EPHB4: variants seen among roughly 807,000 people sequenced by gnomAD.
The protein encoded by EPHB4 is ephrin type-B receptor 4.
A neutral mutation model predicts 110.6 loss-of-function variants in EPHB4; 50 were observed. The ratio of observed to expected loss-of-function variants is 0.45; its 90% CI spans 0.36 to 0.57. The LOEUF is 0.57. EPHB4 is among the 20% of genes least tolerant of loss of function. The pLI is 0.00. For missense variants in EPHB4, 1,128 were observed against 1,382.1 expected (o/e 0.82, Z 2.91); for synonymous variants, 592 against 578.4 (o/e 1.02, Z -0.34).
chr7:100,820,378 C>T, intron 4 of EPHB4, 82 bp from the exon 5 acceptor site: 1 of 1,492,346 alleles, frequency 6.7e-7, no homozygotes, highest in South Asian at 1.4e-5. Context: ...TGCCTCGAAT[C>T]CCAGCACTTT....
Position 100,813,644 on chromosome 7 carries a change from C to A in EPHB4, c.1756+8G>T. ...AGCCCCTATTCCCATCAAATTAGGG[C>A]AACCCACCATGTCCGATGAGATACT... On this transcript the variant is annotated splice_region_variant and intron_variant, in intron 10 of 16. Coordinates refer to ENST00000358173, the MANE Select transcript of EPHB4 (RefSeq NM_004444.5). The A allele has an allele frequency of 6.2e-7, 1 of 1,613,876 alleles. No individual in the cohort carries two copies. Among genetic ancestry groups the A allele is most frequent in the South Asian group, 1.1e-5 (1 of 91,070 alleles).
rs543151286 is a variant in EPHB4 at position 100,804,875 on chromosome 7, T to C, written c.2834+291A>G. 2.0e-5 allele frequency among the ~76,000 whole-genome samples: 3 copies of C among 152,308 alleles called. No individual in the cohort carries two copies. In the East Asian group the frequency reaches 5.8e-4, roughly 29 times the overall value. On this transcript the variant is annotated intron_variant, in intron 16 of 16. Transcript: ENST00000358173. The stretch of plus-strand genomic sequence containing the variant: ...GTTACCGTGAGAGCCGGGCCTGGAA[T>C]GCAGATAGATGCACAAAGATAGCTA...
chr7:100,810,268 C>CA (rs1406016711), intron 12 of EPHB4, among the ~76,000 whole-genome samples: 2 of 151,418 alleles, frequency 1.3e-5, no homozygotes, highest in Non-Finnish European at 2.9e-5. Context: ...CAAACAAAAC[C>CA]AAAAAAACCC....
At chr7:100,820,647 A>G (rs1813201811) in intron 4 of EPHB4, among the ~76,000 whole-genome samples, 2 of 152,006 alleles carry the variant, frequency 1.3e-5, no homozygotes, top group African/African-American at 4.8e-5. Context: ...AAAGACCTCT[A>G]CTCCAACTTA....
chr7:100,823,455 A>G (rs1262187033), intron 3 of EPHB4, among the ~76,000 whole-genome samples, 189 bp downstream of exon 3: 1 of 152,106 alleles, frequency 6.6e-6, no homozygotes, highest in African/African-American at 2.4e-5. Flanking sequence ...CGGGCCAGGC[A>G]GCCCCCGTAT....
chr7:100,816,704 A>G (rs1281954002), intron 8 of EPHB4, among the ~76,000 whole-genome samples: 1 of 152,078 alleles, frequency 6.6e-6, no homozygotes, highest in Non-Finnish European at 1.5e-5. Flanking sequence ...AGACTTCACA[A>G]AACTCAGCTG....
Position 100,822,436 on chromosome 7 carries a change from G to C in EPHB4, c.643C>G (p.Leu215Val). The C allele has an allele frequency of 6.2e-7, 1 of 1,602,030 alleles. No individual in the cohort carries two copies. Among genetic ancestry groups the C allele is most frequent in the East Asian group, 2.2e-5 (1 of 44,572 alleles). Reference protein sequence around the residue: ...TRFPETVPRELVVPVAGSCVV... With the variant: ...TRFPETVPREVVVPVAGSCVV... ...CAGCTACCGGCCACGGGCACAACCA[G>C]CTCCCGAGGCACAGTCTCCGGGAAT... The change falls in exon 4 of 17, where the codon CTG becomes GTG. Residue 215 changes from leucine to valine, a missense_variant. Coordinates refer to ENST00000358173, the MANE Select transcript of EPHB4 (RefSeq NM_004444.5). The surrounding 1 kb of genome is among the most constrained non-coding windows in gnomAD (Gnocchi z 4.7).
At chr7:100,824,372 C>T in intron 1 of EPHB4, 99 bp from the exon 2 acceptor site, 1 of 1,311,782 alleles carries the variant, frequency 7.6e-7, no homozygotes, top group Non-Finnish European at 1.1e-6. Flanking sequence ...CCTCTTAGCT[C>T]TGAGCTAGAG....
In EPHB4 at chr7:100,819,583, G is replaced by A; in HGVS notation, c.1271C>T (p.Pro424Leu). 6.3e-7 allele frequency: 1 copy of A among 1,575,968 alleles called. No homozygotes were observed. The highest frequency in any genetic ancestry group is 8.7e-7 in the Non-Finnish European group (1 of 1,154,722). The change falls in exon 6 of 17, where the codon CCT (proline) becomes CTT (leucine). Residue 424 changes from proline (P) to leucine (L), a missense_variant. Pro to Leu is a moderately conservative substitution (Grantham distance 98). Coordinates refer to ENST00000358173, the MANE Select transcript of EPHB4 (RefSeq NM_004444.5). ...CTCTCGGTCAGTGGTGACATTGACA[G>A]GCTCAAATGGGACGGGCCCCGTGGC... is the stretch of plus-strand genomic sequence containing the variant. ...SLATGPVPFE[P>L]VNVTTDREVP...
intron 8 of EPHB4, among the ~76,000 whole-genome samples, chr7:100,814,532 T>C (rs1584659397): frequency 6.6e-6 from 1 of 152,246 alleles, no homozygotes; most frequent in East Asian, 1.9e-4. Flanking sequence ...GCCAGAGTGG[T>C]TTTGATTTGG....
chr7:100,805,746 T>G (rs1403386513), intron 14 of EPHB4, 52 bp from the exon 15 acceptor site: 3 of 1,386,478 alleles, frequency 2.2e-6, no homozygotes, highest in African/African-American at 1.5e-5. Context: ...AAAGCAAAGA[T>G]GCTAACAGGC....
chr7:100,810,080 TCTCTA>T (rs1215180164), intron 12 of EPHB4, among the ~76,000 whole-genome samples: 1 of 152,070 alleles, frequency 6.6e-6, no homozygotes, highest in Non-Finnish European at 1.5e-5. Flanking sequence ...TGAAACCCTG[TCTCTA>T]CTAAAAATAC....
intron 13 of EPHB4, among the ~76,000 whole-genome samples, chr7:100,807,099 A>T (rs1251114325): frequency 2.6e-5 from 4 of 152,144 alleles, no homozygotes; most frequent in African/African-American, 9.7e-5. Context: ...AGTAGCTGGG[A>T]CTACAGGTGC....
chr7:100,811,493 A>G (rs1159933099), intron 12 of EPHB4, among the ~76,000 whole-genome samples: 1 of 152,068 alleles, frequency 6.6e-6, no homozygotes, highest in East Asian at 1.9e-4. Flanking sequence ...GGAGAAATCC[A>G]GTTTGCCGTG....
chr7:100,813,196 T>C lies in EPHB4; in HGVS notation c.1769A>G (p.Tyr590Cys). The change falls in exon 11 of 17, where the codon TAC becomes TGC. Residue 590 changes from tyrosine (Y) to cysteine (C), a missense_variant. Around this residue, in one of 3 missense-constraint regions of EPHB4, gnomAD observed 191 missense variants for 313.0 expected, o/e 0.61. Coordinates refer to ENST00000358173, the MANE Select transcript of EPHB4 (RefSeq NM_004444.5). The stretch of plus-strand genomic sequence containing the variant: ...GTCTTCATAAGTGAAGGGGTCGATG[T>C]AGACCTTAGTACCTGAGAAATCAGG... ...QYLIGHGTKV[Y>C]IDPFTYEDPN... The C allele has an allele frequency of 6.2e-7, 1 of 1,602,894 alleles. No individual in the cohort carries two copies. Among genetic ancestry groups the C allele is most frequent in the Non-Finnish European group, 8.5e-7 (1 of 1,179,940 alleles).
rs146460992 is a variant in EPHB4 at position 100,807,356 on chromosome 7, C to T, written c.2334+9G>A. The T allele has an allele frequency of 3.1e-6, 5 of 1,613,024 alleles. No individual in the cohort carries two copies. The highest frequency in any genetic ancestry group is 4.2e-6 in the Non-Finnish European group (5 of 1,179,702). The stretch of plus-strand genomic sequence containing the variant: ...AGAAGCTCACACCCAGTATTACCCC[C>T]AGCATTACCAGGGAGCTCGTGTAGG... On this transcript the variant is annotated intron_variant, in intron 13 of 16. Coordinates refer to ENST00000358173, the MANE Select transcript of EPHB4 (RefSeq NM_004444.5).
At chr7:100,820,570 ACT>A (rs1584664328) in intron 4 of EPHB4, 1 of 281,444 alleles carries the variant, frequency 3.6e-6, no homozygotes, top group East Asian at 6.5e-5. Context: ...GAGAAAGGAG[ACT>A]CTCTCCAGAG....
chr7:100,808,606 CAAGAG>C (rs1276643151), intron 12 of EPHB4, among the ~76,000 whole-genome samples: 1 of 152,148 alleles, frequency 6.6e-6, no homozygotes, highest in Non-Finnish European at 1.5e-5. Flanking sequence ...TATGGATTTG[CAAGAG>C]AAGAGTGAGG....
chr7:100,803,697 A>G, intron 16 of EPHB4, 107 bp from the exon 17 acceptor site: 1 of 1,338,670 alleles, frequency 7.5e-7, no homozygotes, highest in Non-Finnish European at 9.7e-7. Flanking sequence ...CCAATCAGAA[A>G]AGCCAGCGGG....
Sources: allele counts gnomAD v4.1 joint callset (sites outside exome capture counted in the v4.1 genomes callset), GRCh38; gene constraint gnomAD v4.1.1; regional missense constraint gnomAD v4.1.1; non-coding constraint Gnocchi (gnomAD v3.1); transcripts MANE v1.5; gene names NCBI Gene and HGNC (gene_info 2026-07-23, HGNC 2026-07-21).